The following PKP1 variants were observed in gnomAD, a reference collection of about 807,000 sequenced individuals.
PKP1 encodes the protein plakophilin-1.
PKP1 carries 27 observed loss-of-function variants against 76.4 expected under a neutral mutation model. That is an observed-to-expected ratio of 0.35 (90% CI 0.26 to 0.49). The LOEUF is 0.49. Ranked by LOEUF, PKP1 falls within the 20% of genes least tolerant of loss-of-function variation. The pLI, the probability that PKP1 is intolerant of heterozygous loss-of-function variation, is 0.99. For synonymous variants in PKP1, 404 were observed against 384.2 expected, an observed-to-expected ratio of 1.05 and a Z score of -0.60; for missense variants, 964 against 955.2, an observed-to-expected ratio of 1.01 and a Z score of -0.12.
Position 201,313,054 on chromosome 1 carries a change from G to A in PKP1, c.307-112G>A, listed in dbSNP as rs1571553749. 2.6e-6 allele frequency: 3 copies of A among 1,136,148 alleles called. No individual in the cohort carries two copies. The East Asian group carries it at 7.7e-5, about 29-fold the overall frequency. The allele number at this position is 1,136,148 out of a possible 1,614,324, so 70.4% of individuals were successfully genotyped here. A position where few individuals can be genotyped will look rare whatever the true frequency, so the allele number is the denominator to read the frequency against. ...GTTCCTTCCACGCCAAACATTCTGG[G>A]ATTCTGTAAGCGTTATTATGGGGGC... On this transcript the variant is annotated intron_variant, in intron 2 of 13. Transcript: ENST00000367324.
chr1:201,293,143 C>G (rs962524905), intron 1 of PKP1, among the ~76,000 whole-genome samples: 5 of 152,176 alleles, frequency 3.3e-5, no homozygotes, highest in Admixed American at 3.3e-4. Context: ...GACAGCAGGA[C>G]AGTGAACAGA....
intron 9 of PKP1, 146 bp from the exon 10 acceptor site, chr1:201,324,282 G>C (rs1403090671): frequency 1.3e-6 from 1 of 790,288 alleles, no homozygotes; most frequent in East Asian, 2.6e-5. Context: ...CTAGGTTTCT[G>C]TAGTTGCCCA....
chr1:201,307,252 G>A (rs1050717901), intron 2 of PKP1, among the ~76,000 whole-genome samples: 2 of 152,188 alleles, frequency 1.3e-5, no homozygotes, highest in South Asian at 2.1e-4. Flanking sequence ...TCTGTGTCCA[G>A]GCGTCAAGGC....
At chr1:201,304,081 C>G (rs1656306294) in intron 2 of PKP1, among the ~76,000 whole-genome samples, 1 of 152,224 alleles carries the variant, frequency 6.6e-6, no homozygotes, top group Admixed American at 6.5e-5. Flanking sequence ...TGTGGCCAAC[C>G]TGGAGAGGGC....
chr1:201,316,722 T>C, intron 4 of PKP1, 25 bp downstream of exon 4: 1 of 1,612,794 alleles, frequency 6.2e-7, no homozygotes, highest in African/African-American at 1.3e-5. Flanking sequence ...ACCTTCCTCC[T>C]TGGTGGGCCT....
Position 201,328,877 on chromosome 1 carries a change from C to A in PKP1, c.*32+9C>A. 1 of 1,518,584 alleles carries A rather than the reference C, an allele frequency of 6.6e-7. No homozygotes were observed. The highest frequency in any genetic ancestry group is 1.1e-5 in the South Asian group (1 of 89,152). 94.1% of individuals were successfully genotyped at this position (1,518,584 alleles called of 1,614,324 possible). ...GCAAGTTAGGCTTGCAGGTAAGAATCACCCCACCCTCAGGGATGCCTCTGG... is the reference window on the plus strand; with the variant it reads ...GCAAGTTAGGCTTGCAGGTAAGAATAACCCCACCCTCAGGGATGCCTCTGG... On this transcript the variant is annotated intron_variant, in intron 13 of 13. Coordinates refer to ENST00000367324, the MANE Select transcript of PKP1 (RefSeq NM_001005337.3).
chr1:201,325,872 T>A, intron 12 of PKP1, 34 bp downstream of exon 12: 5 of 1,525,482 alleles, frequency 3.3e-6, no homozygotes, highest in Non-Finnish European at 4.5e-6. Context: ...CTTCTGAGGT[T>A]CTTCCTGCTC....
chr1:201,290,395 T>C (rs1655878045), intron 1 of PKP1, among the ~76,000 whole-genome samples: 1 of 151,562 alleles, frequency 6.6e-6, no homozygotes, highest in Non-Finnish European at 1.5e-5. Context: ...TCATGCTGCA[T>C]GCACCCATAT....
intron 2 of PKP1, among the ~76,000 whole-genome samples, chr1:201,295,504 G>A (rs1200478627): frequency 6.6e-6 from 1 of 152,214 alleles, no homozygotes; most frequent in Non-Finnish European, 1.5e-5. Flanking sequence ...TTGAGAAAAT[G>A]GCTTAGGAAT....
chr1:201,318,158 T>C (rs1206793170), intron 5 of PKP1, among the ~76,000 whole-genome samples: 1 of 152,058 alleles, frequency 6.6e-6, no homozygotes, highest in Non-Finnish European at 1.5e-5. Flanking sequence ...TCAAGAAATA[T>C]GGTAGGCACT....
chr1:201,296,200 G>T (rs970336958), intron 2 of PKP1, among the ~76,000 whole-genome samples: 1 of 152,224 alleles, frequency 6.6e-6, no homozygotes, highest in Non-Finnish European at 1.5e-5. Flanking sequence ...ATTTGGCAGA[G>T]GGAGGAGGCC....
chr1:201,283,506 A>C lies in PKP1; in HGVS notation c.-197A>C. 1 of 638,798 alleles carries C rather than the reference A, an allele frequency of 1.6e-6. No homozygotes were observed. Among genetic ancestry groups the C allele is most frequent in the Middle Eastern group, 4.1e-4 (1 of 2,412 alleles). The allele number at this position is 638,798 out of a possible 1,614,324, so 39.6% of individuals were successfully genotyped here. A position where few individuals can be genotyped will look rare whatever the true frequency, so the allele number is the denominator to read the frequency against. On this transcript the variant is annotated 5_prime_UTR_variant, in exon 1 of 14. Coordinates refer to ENST00000367324, the MANE Select transcript of PKP1 (RefSeq NM_001005337.3). ...TGTCTGACGGAGGGCGGGCCTCGCC[A>C]GTGCCAGAGAGGGACGAACCAGGGT... is the stretch of plus-strand genomic sequence containing the variant.
chr1:201,296,710 G>A (rs529916030), intron 2 of PKP1, among the ~76,000 whole-genome samples: 107 of 152,342 alleles, frequency 7.0e-4, no homozygotes, highest in Middle Eastern at 6.8e-3. Flanking sequence ...AAAGGCATTA[G>A]TTTCTGTACT....
chr1:201,327,240 AG>A lies in PKP1; in HGVS notation c.2106+1405del, dbSNP rs1341201605. On this transcript the variant is annotated intron_variant, in intron 12 of 13. Transcript: ENST00000367324. ...TCAAGCATCTCTGTCATGGGAGGAG[AG>A]GGAGTAGGCAAAGAAGGGAGAAAGA... 8.5e-5 allele frequency among the ~76,000 whole-genome samples: 13 copies of A among 152,268 alleles called. 1 individual carries two copies. In the East Asian group the frequency reaches 2.3e-3, roughly 27 times the overall value.
chr1:201,330,882 C>A lies in PKP1; in HGVS notation c.*841C>A, dbSNP rs936582829. On this transcript the variant is annotated 3_prime_UTR_variant, in exon 14 of 14. Coordinates refer to ENST00000367324, the MANE Select transcript of PKP1 (RefSeq NM_001005337.3). ...CCACCCTCTTGGGCTGTGTGCCCATCAGAGCAGGCTCAGCCTGCAAAGGCC... is the reference window on the plus strand; with the variant it reads ...CCACCCTCTTGGGCTGTGTGCCCATAAGAGCAGGCTCAGCCTGCAAAGGCC... 1 of 152,290 alleles carries A rather than the reference C, an allele frequency of 6.6e-6. No individual in the cohort carries two copies. Among genetic ancestry groups the A allele is most frequent in the Non-Finnish European group, 1.5e-5 (1 of 68,062 alleles). 9.4% of individuals were successfully genotyped at this position (152,290 alleles called of 1,614,324 possible). A position where few individuals can be genotyped will look rare whatever the true frequency, so the allele number is the denominator to read the frequency against.
chr1:201,314,304 A>G (rs1403507013), intron 3 of PKP1, among the ~76,000 whole-genome samples: 1 of 152,146 alleles, frequency 6.6e-6, no homozygotes, highest in Non-Finnish European at 1.5e-5. Flanking sequence ...CTACAGAAAA[A>G]TACAAAAATT....
intron 3 of PKP1, chr1:201,316,187 T>C (rs955737450): frequency 1.5e-5 from 1 of 68,038 alleles, no homozygotes; most frequent in African/African-American, 5.5e-5. Context: ...ATCATGGCCA[T>C]TGTCTTCCAT....
chr1:201,294,366 T>C (rs1656017079), intron 2 of PKP1, among the ~76,000 whole-genome samples: 1 of 152,200 alleles, frequency 6.6e-6, no homozygotes, highest in African/African-American at 2.4e-5. Context: ...ATTCTTGAGG[T>C]CTATTAATGG....
At chr1:201,296,981 A>G in intron 2 of PKP1, among the ~76,000 whole-genome samples, 1 of 152,214 alleles carries the variant, frequency 6.6e-6, no homozygotes, top group East Asian at 1.9e-4. Context: ...AAATATGTAA[A>G]GGATCTGTAG....
Sources: gnomAD v4.1 joint callset for allele counts (sites outside exome capture counted in the v4.1 genomes callset) on GRCh38, gnomAD v4.1.1 for gene constraint, MANE v1.5 for transcripts, NCBI Gene and HGNC (gene_info 2026-07-23, HGNC 2026-07-21) for gene names.